STKLD1: variants seen among roughly 807,000 people sequenced by gnomAD.
STKLD1 encodes the protein serine/threonine kinase like domain containing 1.
In STKLD1, 79 loss-of-function variants were observed where a neutral mutation model predicts 80.4. The observed-to-expected ratio is 0.98, with a 90% CI of 0.82 to 1.19. The LOEUF (loss-of-function observed/expected upper bound fraction) is 1.19. Ranked by LOEUF, STKLD1 falls within the 50% of genes most tolerant of loss-of-function variation. The pLI is 0.00. For missense variants in STKLD1, 841 were observed against 856.0 expected, an observed-to-expected ratio of 0.98 and a Z score of 0.22; for synonymous variants, 393 against 357.6, an observed-to-expected ratio of 1.10 and a Z score of -1.12.
In STKLD1 at chr9:133,394,764, G is replaced by T; in HGVS notation, c.702+355G>T. The T allele has an allele frequency of 3.5e-6, 1 of 285,278 alleles. No homozygotes were observed. The highest frequency in any genetic ancestry group is 6.8e-6 in the Non-Finnish European group (1 of 147,552). The allele number at this position is 285,278 out of a possible 1,614,324, so 17.7% of individuals were successfully genotyped here. A position where few individuals can be genotyped will look rare whatever the true frequency, so the allele number is the denominator to read the frequency against. On this transcript the variant is annotated intron_variant, in intron 8 of 17. Transcript: ENST00000371957. This position sits in a 1 kb window ranked among gnomAD's most constrained non-coding sequence, Gnocchi z 4.9. ...CGGAGTTGCAAGCAACGGGAACCCA[G>T]TGTGGGCCTGAACACACCTGGCTGT...
intron 11 of STKLD1, 61 bp from the exon 12 acceptor site, chr9:133,400,352 G>T: frequency 7.9e-7 from 1 of 1,273,484 alleles, no homozygotes; most frequent in Non-Finnish European, 1.1e-6. Flanking sequence ...GGCCCTGGTC[G>T]GGTCTATATG....
chr9:133,401,868 C>T lies in STKLD1; in HGVS notation c.1329C>T (p.Thr443=), dbSNP rs138146001. The T allele has an allele frequency of 3.0e-5, 49 of 1,613,288 alleles. 1 individual carries two copies. The African/African-American group carries it at 5.1e-4, about 17-fold the overall frequency. Residue 443 remains threonine (T), a synonymous_variant, in exon 13 of 18, where the codon ACC becomes ACT. Transcript: ENST00000371957. The part of the protein sequence containing the change: ...LVMVYSLLAI[T]TTQESESLSE... ...TGGTCTACAGCCTGCTAGCCATCACCACAACCCAGGGTGTGTCTGCCAGCC... is the reference window on the plus strand; with the variant it reads ...TGGTCTACAGCCTGCTAGCCATCACTACAACCCAGGGTGTGTCTGCCAGCC...
chr9:133,376,615 C>G, intron 1 of STKLD1, 55 bp downstream of exon 1: 1 of 1,452,134 alleles, frequency 6.9e-7, no homozygotes, highest in Non-Finnish European at 9.2e-7. Context: ...CGGTCGCAAC[C>G]CTGGAGCTAC....
At position 133,394,291 on chromosome 9, in the gene STKLD1, A is replaced by G. The variant is rs782610906; in HGVS notation, c.584A>G (p.Asp195Gly). 1 of 1,608,914 alleles carries G rather than the reference A, an allele frequency of 6.2e-7. No homozygotes were observed. The highest frequency in any genetic ancestry group is 1.1e-5 in the South Asian group (1 of 90,958). The change falls in exon 8 of 18, where the codon GAC becomes GGC. Residue 195 changes from aspartate to glycine, a missense_variant and splice_region_variant. Physicochemically the swap from Asp to Gly is moderately conservative, Grantham distance 94. Coordinates refer to ENST00000371957, the MANE Select transcript of STKLD1 (RefSeq NM_153710.5). The surrounding 1 kb of genome is among the most constrained non-coding windows in gnomAD (Gnocchi z 4.9). ...KAKWNIRAEE[D>G]PFRKSWMAPE... ...GATCCCACCTTGCTTTTACCAACAG[A>G]CCCCTTTCGTAAGTCCTGGATGGCC...
chr9:133,398,832 A>AG (rs1398027430), intron 11 of STKLD1, among the ~76,000 whole-genome samples: 8 of 128,834 alleles, frequency 6.2e-5, no homozygotes, highest in South Asian at 5.6e-4. Flanking sequence ...TGGGAAAAGC[A>AG]GTTTTTTTTT....
At chr9:133,391,673 G>C (rs1030519449) in intron 7 of STKLD1, among the ~76,000 whole-genome samples, 1 of 151,826 alleles carries the variant, frequency 6.6e-6, no homozygotes, top group African/African-American at 2.4e-5. Flanking sequence ...CAGCATGCTC[G>C]TTAAGAGTCA....
In STKLD1 at chr9:133,383,848, C is replaced by T. The variant is rs2130271107; in HGVS notation, c.175-8C>T. ...GTTTATTAAGCTCATGCTCTTGTGC[C>T]CTTGCAGGTGGAATGCATGGATGAC... is the stretch of plus-strand genomic sequence containing the variant. On this transcript the variant is annotated splice_polypyrimidine_tract_variant and splice_region_variant and intron_variant, in intron 2 of 17. Coordinates refer to ENST00000371957, the MANE Select transcript of STKLD1 (RefSeq NM_153710.5). 62 of 1,613,656 alleles carry T rather than the reference C, an allele frequency of 3.8e-5. No homozygotes were observed. The highest frequency in any genetic ancestry group is 4.9e-5 in the Non-Finnish European group (58 of 1,179,828).
intron 7 of STKLD1, chr9:133,393,815 G>C (rs1183455669): frequency 6.5e-6 from 1 of 153,950 alleles, no homozygotes; most frequent in African/African-American, 2.4e-5. Context: ...GCTGCCTGAA[G>C]CCAACCAGGG....
intron 1 of STKLD1, 116 bp downstream of exon 1, chr9:133,376,676 T>C: frequency 1.1e-6 from 1 of 887,712 alleles, no homozygotes; most frequent in African/African-American, 1.8e-5. Flanking sequence ...CTGGCCAGTG[T>C]CGGCCTGCAG....
chr9:133,379,792 C>T (rs1485835872), intron 2 of STKLD1, among the ~76,000 whole-genome samples: 2 of 152,212 alleles, frequency 1.3e-5, no homozygotes, highest in Admixed American at 6.5e-5. Flanking sequence ...CTGGCATGCC[C>T]TCCTCTCTGT....
At chr9:133,397,883 C>A in intron 10 of STKLD1, 89 bp from the exon 11 acceptor site, 2 of 1,051,952 alleles carry the variant, frequency 1.9e-6, no homozygotes. Flanking sequence ...GATGCACACA[C>A]AGCAGCCAGC....
chr9:133,396,059 TAA>T (rs71503342), intron 9 of STKLD1: 49 of 205,098 alleles, frequency 2.4e-4, no homozygotes, highest in African/African-American at 5.4e-4. Context: ...TCATTCTACA[TAA>T]AAAAAAAAAT....
At chr9:133,381,162 G>A (rs1275671560) in intron 2 of STKLD1, among the ~76,000 whole-genome samples, 31 of 123,138 alleles carry the variant, frequency 2.5e-4, no homozygotes, top group African/African-American at 9.5e-4. Flanking sequence ...TTTTGAGATG[G>A]AGTTTTGCTC....
In STKLD1 at chr9:133,390,563, TG is replaced by T; in HGVS notation, c.468-114del. The T allele has an allele frequency of 2.8e-6, 2 of 705,002 alleles. No individual in the cohort carries two copies. Among genetic ancestry groups the T allele is most frequent in the Non-Finnish European group, 5.1e-6 (2 of 395,622 alleles). 43.7% of individuals were successfully genotyped at this position (705,002 alleles called of 1,614,324 possible). On this transcript the variant is annotated intron_variant, in intron 6 of 17. Transcript: ENST00000371957. The surrounding 1 kb of genome is among the most constrained non-coding windows in gnomAD (Gnocchi z 5.1). ...TGTGGGCTGCTGCTGCAGAACCAGG[TG>T]GGGCAGGGAGCAGAGAGTCAGGCTC... is the stretch of plus-strand genomic sequence containing the variant.
In STKLD1 at chr9:133,379,115, T is replaced by C; in HGVS notation, c.167T>C (p.Ile56Thr). The C allele has an allele frequency of 6.2e-7, 1 of 1,613,930 alleles. No individual in the cohort carries two copies. ...ATGGAAACCAAAGTCAAGCATGTGA[T>C]AAAGCAGGTAAGAGGCCAAGCCTGT... ...EEMETKVKHVIKQVECMDDHY... is the reference protein window; with the variant it reads ...EEMETKVKHVTKQVECMDDHY... The change falls in exon 2 of 18, where the codon ATA becomes ACA. Residue 56 changes from isoleucine (I) to threonine (T), a missense_variant. Coordinates refer to ENST00000371957, the MANE Select transcript of STKLD1 (RefSeq NM_153710.5).
chr9:133,403,675 C>G (rs1838766083), intron 14 of STKLD1, 25 bp from the exon 15 acceptor site: 9 of 1,606,558 alleles, frequency 5.6e-6, no homozygotes, highest in Non-Finnish European at 7.7e-6. Context: ...CTGGGTGTCC[C>G]CTTCCATCCC....
Position 133,395,738 on chromosome 9 carries a change from G to C in STKLD1, c.841G>C (p.Asp281His), listed in dbSNP as rs374474896. 1.2e-6 allele frequency: 2 copies of C among 1,613,486 alleles called. No homozygotes were observed. The highest frequency in any genetic ancestry group is 2.2e-5 in the East Asian group (1 of 44,884). ...RNLLPLMLQI[D>H]PSDRITIKDV... ...TCTTCTGCCCTTGATGCTCCAGATC[G>C]ACCCCTCGGATCGAATAACGATAAA... Residue 281 changes from aspartate (D) to histidine (H), a missense_variant, in exon 9 of 18, where the codon GAC (aspartate) becomes CAC (histidine). Physicochemically the swap from Asp to His is moderately conservative, Grantham distance 81. Coordinates refer to ENST00000371957, the MANE Select transcript of STKLD1 (RefSeq NM_153710.5).
At chr9:133,404,350 GCAAA>G (rs1022113936) in intron 16 of STKLD1, among the ~76,000 whole-genome samples, 3 of 152,112 alleles carry the variant, frequency 2.0e-5, no homozygotes, top group African/African-American at 7.2e-5. Context: ...AAACAGCTCT[GCAAA>G]CAGTGTCTCC....
chr9:133,383,392 A>G (rs1213736547), intron 2 of STKLD1, among the ~76,000 whole-genome samples: 4 of 18,598 alleles, frequency 2.2e-4, no homozygotes, highest in Non-Finnish European at 4.5e-4. Flanking sequence ...GATGGTAATG[A>G]TGGTGATGAT....
Sources: gnomAD v4.1 joint callset for allele counts (sites outside exome capture counted in the v4.1 genomes callset) on GRCh38, gnomAD v4.1.1 for gene constraint, Gnocchi (gnomAD v3.1) non-coding constraint, MANE v1.5 for transcripts, NCBI Gene and HGNC (gene_info 2026-07-23, HGNC 2026-07-21) for gene names.